Variants in CPED1 observed in about 807,000 individuals in gnomAD.
CPED1 encodes the protein cadherin-like and PC-esterase domain-containing protein 1.
Under a neutral mutation model 128.2 loss-of-function variants are expected in CPED1, and 114 were observed. The observed-to-expected ratio is 0.89, with a 90% CI of 0.76 to 1.04. The LOEUF is 1.04. CPED1 is among the 50% of genes least tolerant of loss of function. The probability of loss-of-function intolerance (pLI) is 0.00; values close to 1 mark genes in which losing one functional copy is unlikely to be tolerated. For missense variants in CPED1, 1,211 were observed against 1,207.1 expected, an observed-to-expected ratio of 1.00 and a Z score of -0.05; for synonymous variants, 462 against 426.7, an observed-to-expected ratio of 1.08 and a Z score of -1.02.
At chr7:121,018,730 T>G (rs1341678051) in intron 3 of CPED1, among the ~76,000 whole-genome samples, 1 of 152,100 alleles carries the variant, frequency 6.6e-6, no homozygotes, top group Non-Finnish European at 1.5e-5. Flanking sequence ...TAGAGTAGAT[T>G]CTATCATTGG....
chr7:121,098,677 A>G (rs1459224241), intron 6 of CPED1, among the ~76,000 whole-genome samples: 2 of 149,976 alleles, frequency 1.3e-5, no homozygotes, highest in Non-Finnish European at 3.0e-5. Context: ...GGCTGCAGTG[A>G]GCTGTGATTG....
At chr7:121,104,968 TGATAGA>T (rs1794937976) in intron 7 of CPED1, among the ~76,000 whole-genome samples, 1 of 152,096 alleles carries the variant, frequency 6.6e-6, no homozygotes, top group Admixed American at 6.6e-5. Flanking sequence ...AGGGCCACTT[TGATAGA>T]GATAGGGAAA....
chr7:121,102,502 ACT>A (rs1794873487), intron 7 of CPED1, among the ~76,000 whole-genome samples: 1 of 151,766 alleles, frequency 6.6e-6, no homozygotes, highest in African/African-American at 2.4e-5. Flanking sequence ...CACCCCCTAA[ACT>A]CTCTTAGGCA....
At chr7:121,179,547 T>C (rs1796856251) in intron 16 of CPED1, among the ~76,000 whole-genome samples, 1 of 152,142 alleles carries the variant, frequency 6.6e-6, no homozygotes, top group African/African-American at 2.4e-5. Flanking sequence ...AGAAGTTTTT[T>C]TCATGTGTCT....
intron 4 of CPED1, among the ~76,000 whole-genome samples, chr7:121,058,801 G>T (rs1013583040): frequency 6.6e-6 from 1 of 152,160 alleles, no homozygotes; most frequent in African/African-American, 2.4e-5. Flanking sequence ...TATGAACCAA[G>T]ACTTTATTAT....
intron 17 of CPED1, among the ~76,000 whole-genome samples, chr7:121,241,503 G>A (rs928928936): frequency 2.0e-5 from 3 of 151,756 alleles, no homozygotes; most frequent in South Asian, 2.1e-4. Flanking sequence ...TTAGCAGTAC[G>A]GCCATTCTCT....
chr7:121,279,588 G>A (rs992137777), intron 22 of CPED1, among the ~76,000 whole-genome samples: 1 of 152,138 alleles, frequency 6.6e-6, no homozygotes, highest in Admixed American at 6.6e-5. Context: ...AATACTAGCT[G>A]TGAGTGAGGC....
intron 3 of CPED1, among the ~76,000 whole-genome samples, chr7:121,035,100 C>T (rs1029017915): frequency 6.6e-6 from 1 of 151,660 alleles, no homozygotes; most frequent in Admixed American, 6.6e-5. Context: ...TTTCAGGGAC[C>T]AAAAAAAGGC....
intron 16 of CPED1, among the ~76,000 whole-genome samples, chr7:121,173,087 C>A (rs2116474009): frequency 6.6e-6 from 1 of 152,250 alleles, no homozygotes; most frequent in South Asian, 2.1e-4. Context: ...GGTATCTTAT[C>A]ATTTGGCTCA....
At chr7:121,282,160 A>G (rs1792476581) in intron 22 of CPED1, among the ~76,000 whole-genome samples, 1 of 152,130 alleles carries the variant, frequency 6.6e-6, no homozygotes, top group Non-Finnish European at 1.5e-5. Flanking sequence ...GAAGCATTTG[A>G]TGTATCAAGC....
intron 16 of CPED1, among the ~76,000 whole-genome samples, chr7:121,188,917 A>C (rs1450935839): frequency 6.6e-6 from 1 of 152,134 alleles, no homozygotes; most frequent in African/African-American, 2.4e-5. Flanking sequence ...TGCTCCTTGC[A>C]CATGAGTATT....
At chr7:121,229,072 C>G (rs1322246088) in intron 16 of CPED1, among the ~76,000 whole-genome samples, 1 of 151,884 alleles carries the variant, frequency 6.6e-6, no homozygotes, top group Admixed American at 6.6e-5. Context: ...TGTTTGATAT[C>G]AGAGTAGGGT....
At chr7:121,083,300 C>G (rs1039190363) in intron 5 of CPED1, among the ~76,000 whole-genome samples, 1 of 152,158 alleles carries the variant, frequency 6.6e-6, no homozygotes, top group Admixed American at 6.5e-5. Flanking sequence ...TAGCCACCAC[C>G]AGCATTAGCT....
At chr7:121,101,724 T>C (rs976991616) in intron 7 of CPED1, among the ~76,000 whole-genome samples, 1 of 152,028 alleles carries the variant, frequency 6.6e-6, no homozygotes, top group Non-Finnish European at 1.5e-5. Context: ...CTTCCACTGA[T>C]GGTGGAAGGC....
intron 7 of CPED1, among the ~76,000 whole-genome samples, chr7:121,116,406 T>C (rs553300248): frequency 6.6e-6 from 1 of 152,358 alleles, no homozygotes; most frequent in East Asian, 1.9e-4. Flanking sequence ...AGAGTATTTA[T>C]ATTCTTAAAT....
intron 11 of CPED1, 44 bp downstream of exon 11, chr7:121,128,530 T>A (rs1563037131): frequency 1.0e-6 from 1 of 994,830 alleles, no homozygotes; most frequent in African/African-American, 1.6e-5. Context: ...TGACTGGGAT[T>A]AGAGTAGATC....
chr7:121,144,962 G>T (rs1397420915), intron 16 of CPED1, among the ~76,000 whole-genome samples: 1 of 151,940 alleles, frequency 6.6e-6, no homozygotes, highest in Non-Finnish European at 1.5e-5. Flanking sequence ...GAAGGTGTAG[G>T]TACAACTAAG....
chr7:121,139,065 C>T (rs1229614196), intron 14 of CPED1, among the ~76,000 whole-genome samples: 1 of 151,944 alleles, frequency 6.6e-6, no homozygotes, highest in Non-Finnish European at 1.5e-5. Flanking sequence ...TTTCTGCCTT[C>T]ATTCTTTTTT....
intron 5 of CPED1, among the ~76,000 whole-genome samples, chr7:121,074,464 A>G (rs1233071039): frequency 6.7e-6 from 1 of 148,912 alleles, no homozygotes; most frequent in African/African-American, 2.5e-5. Context: ...CCCTACCTTA[A>G]ATCCTAGTGC....
Sources: gnomAD v4.1 joint callset for allele counts (sites outside exome capture counted in the v4.1 genomes callset) on GRCh38, gnomAD v4.1.1 for gene constraint, MANE v1.5 for transcripts, NCBI Gene and HGNC (gene_info 2026-07-23, HGNC 2026-07-21) for gene names.